Variants in CHRM5 observed in about 807,000 individuals in gnomAD.
The protein encoded by CHRM5 is cholinergic receptor muscarinic 5.
A neutral mutation model predicts 39.0 loss-of-function variants in CHRM5; 18 were observed. That is an observed-to-expected ratio of 0.46 (90% CI 0.32 to 0.68). The LOEUF (loss-of-function observed/expected upper bound fraction) is 0.68, where lower values mean the gene tolerates loss of function less well. Among genes scored for constraint, CHRM5 ranks in the 30% least tolerant of loss-of-function variants. The pLI, the probability that CHRM5 is intolerant of heterozygous loss-of-function variation, is 0.04. For missense variants in CHRM5, 515 were observed against 651.1 expected (o/e 0.79, Z 2.28); for synonymous variants, 241 against 246.3 (o/e 0.98, Z 0.20).
intron 1 of CHRM5, among the ~76,000 whole-genome samples, chr15:33,992,735 C>T (rs889351988): frequency 1.3e-5 from 2 of 152,068 alleles, no homozygotes; most frequent in Non-Finnish European, 2.9e-5. Context: ...AGAAAAGGTT[C>T]GAGGTTTAAT....
chr15:34,054,464 G>A (rs1900054010), intron 2 of CHRM5, among the ~76,000 whole-genome samples: 1 of 152,048 alleles, frequency 6.6e-6, no homozygotes, highest in South Asian at 2.1e-4. Context: ...TAAAAAATGT[G>A]GTACAGATAC....
intron 1 of CHRM5, among the ~76,000 whole-genome samples, chr15:33,971,583 T>C (rs535896525): frequency 1.3e-5 from 2 of 152,232 alleles, no homozygotes; most frequent in South Asian, 2.1e-4. Context: ...TATATAAAAT[T>C]AGAAACATAC....
At chr15:33,984,522 C>T (rs1233680000) in intron 1 of CHRM5, among the ~76,000 whole-genome samples, 3 of 151,998 alleles carry the variant, frequency 2.0e-5, no homozygotes, top group Non-Finnish European at 4.4e-5. Context: ...CCTGCCTCAG[C>T]CTCCCGCGTA....
chr15:33,994,500 C>T (rs896425118), intron 1 of CHRM5, among the ~76,000 whole-genome samples: 4 of 152,146 alleles, frequency 2.6e-5, no homozygotes, highest in Admixed American at 6.5e-5. Flanking sequence ...CATCCTGAAA[C>T]CGTCATCCTC....
rs1049867702 is a variant in CHRM5 at position 33,968,792 on chromosome 15, C to A, written c.-766C>A. ...TGAAATACGAACAAGCAGAACTTTTCCAGGGGGTCAAATGCATATAGGAAC... is the reference window on the plus strand; with the variant it reads ...TGAAATACGAACAAGCAGAACTTTTACAGGGGGTCAAATGCATATAGGAAC... On this transcript the variant is annotated 5_prime_UTR_variant, in exon 1 of 3. Transcript: ENST00000383263. 1 of 151,982 alleles carries A rather than the reference C, an allele frequency of 6.6e-6. No homozygotes were observed. The highest frequency in any genetic ancestry group is 2.4e-5 in the African/African-American group (1 of 41,388). The allele number at this position is 151,982 out of a possible 1,614,324, so 9.4% of individuals were successfully genotyped here.
chr15:33,990,330 C>T (rs4780197), intron 1 of CHRM5, among the ~76,000 whole-genome samples: 33,449 of 151,916 alleles, frequency 0.22, 4,188 homozygotes, highest in Middle Eastern at 0.41. Context: ...TGCAGTGAGC[C>T]GAGATCACGC....
intron 1 of CHRM5, among the ~76,000 whole-genome samples, chr15:34,020,280 T>C (rs1262222243): frequency 4.0e-5 from 6 of 151,208 alleles, no homozygotes; most frequent in Non-Finnish European, 7.4e-5. Context: ...CACTGCACTC[T>C]AGCCTGGGTG....
intron 1 of CHRM5, among the ~76,000 whole-genome samples, chr15:33,990,102 G>A (rs1004745961): frequency 1.3e-5 from 2 of 152,036 alleles, no homozygotes; most frequent in African/African-American, 4.8e-5. Flanking sequence ...TACTCAGGAG[G>A]CTGAGGCAGG....
chr15:34,017,809 A>C (rs1357533466), intron 1 of CHRM5, among the ~76,000 whole-genome samples: 1 of 152,098 alleles, frequency 6.6e-6, no homozygotes, highest in Non-Finnish European at 1.5e-5. Context: ...AATTATTAAA[A>C]ACTCCATTGT....
chr15:34,062,554 CAAAAAA>C, intron 2 of CHRM5, 83 bp from the exon 3 acceptor site: 2 of 409,222 alleles, frequency 4.9e-6, no homozygotes, highest in Non-Finnish European at 8.0e-6. Flanking sequence ...GATTCTGTCT[CAAAAAA>C]AAAAAAAAAA....
chr15:34,027,202 C>G (rs1268790434), intron 1 of CHRM5, among the ~76,000 whole-genome samples: 1 of 151,958 alleles, frequency 6.6e-6, no homozygotes, highest in Non-Finnish European at 1.5e-5. Flanking sequence ...CATTCCCATT[C>G]CACTCTACTC....
chr15:34,027,342 C>CT (rs1898529149), intron 1 of CHRM5, among the ~76,000 whole-genome samples: 1 of 152,008 alleles, frequency 6.6e-6, no homozygotes, highest in Non-Finnish European at 1.5e-5. Flanking sequence ...TGGCGAAACT[C>CT]TGTCTCTACT....
intron 1 of CHRM5, among the ~76,000 whole-genome samples, chr15:34,040,716 CAT>C (rs1275478652): frequency 6.6e-6 from 1 of 151,988 alleles, no homozygotes; most frequent in Admixed American, 6.6e-5. Flanking sequence ...TTGCCTGAGA[CAT>C]GAGTTCAAGA....
intron 2 of CHRM5, among the ~76,000 whole-genome samples, chr15:34,048,131 T>C (rs1899787138): frequency 6.6e-6 from 1 of 152,108 alleles, no homozygotes; most frequent in African/African-American, 2.4e-5. Flanking sequence ...TTGCCTCGGC[T>C]TTCCAAAGTG....
intron 1 of CHRM5, among the ~76,000 whole-genome samples, chr15:34,009,250 G>A (rs1207995869): frequency 6.6e-6 from 1 of 152,034 alleles, no homozygotes; most frequent in African/African-American, 2.4e-5. Context: ...CACCTTACAA[G>A]ATACACTAAC....
intron 1 of CHRM5, among the ~76,000 whole-genome samples, chr15:34,008,937 C>T (rs1244248808): frequency 2.1e-5 from 2 of 94,540 alleles, no homozygotes; most frequent in Admixed American, 1.3e-4. Context: ...AAAACACACA[C>T]TCACACGTGC....
chr15:34,024,122 T>C lies in CHRM5; in HGVS notation c.-407-22418T>C, dbSNP rs1898331009. Among the ~76,000 whole-genome samples, 2 of 151,580 alleles carry C rather than the reference T, an allele frequency of 1.3e-5. 1 individual carries two copies. Among genetic ancestry groups the C allele is most frequent in the South Asian group, 4.2e-4 (2 of 4,792 alleles). Reference sequence around the variant, plus strand: ...ATTCAATTACACAACAAATATCTACTGAGAGCTGATACTATGCCAGGCATT... The same window carrying C: ...ATTCAATTACACAACAAATATCTACCGAGAGCTGATACTATGCCAGGCATT... On this transcript the variant is annotated intron_variant, in intron 1 of 2. Coordinates refer to ENST00000383263, the MANE Select transcript of CHRM5 (RefSeq NM_012125.4).
chr15:34,007,281 T>G (rs1346718633), intron 1 of CHRM5, among the ~76,000 whole-genome samples: 1 of 152,110 alleles, frequency 6.6e-6, no homozygotes, highest in Non-Finnish European at 1.5e-5. Context: ...CTCTGCAGAA[T>G]GAAAATGAAA....
At position 34,044,328 on chromosome 15, in the gene CHRM5, C is replaced by T. The variant is rs147653778; in HGVS notation, c.-407-2212C>T. 3.3e-3 allele frequency among the ~76,000 whole-genome samples: 509 copies of T among 152,308 alleles called. 3 individuals carry two copies. The highest frequency in any genetic ancestry group is 0.011 in the African/African-American group (476 of 41,570). On this transcript the variant is annotated intron_variant, in intron 1 of 2. Coordinates refer to ENST00000383263, the MANE Select transcript of CHRM5 (RefSeq NM_012125.4). ...ATGTAACTAAATCCAATGGTCAGGT[C>T]ACTGGCCTAATCTTACTTGGTTTAT...
Sources: gnomAD v4.1 joint callset for allele counts (sites outside exome capture counted in the v4.1 genomes callset) on GRCh38, gnomAD v4.1.1 for gene constraint, MANE v1.5 for transcripts, NCBI Gene and HGNC (gene_info 2026-07-23, HGNC 2026-07-21) for gene names.